PRAG1: variants seen among roughly 807,000 people sequenced by gnomAD.
The protein encoded by PRAG1 is inactive tyrosine-protein kinase PRAG1.
In PRAG1, 110 loss-of-function variants were observed where a neutral mutation model predicts 95.6. That is an observed-to-expected ratio of 1.15 (90% CI 0.99 to 1.35). The LOEUF (loss-of-function observed/expected upper bound fraction) is 1.35. Among genes scored for constraint, PRAG1 ranks in the 40% most tolerant of loss-of-function variants. The pLI is 0.00. For missense variants in PRAG1, 2,554 were observed against 1,864.7 expected (o/e 1.37, Z -6.81); for synonymous variants, 1,052 against 819.4 (o/e 1.28, Z -4.85).
Position 8,376,551 on chromosome 8 carries a change from C to T in PRAG1, c.1858G>A (p.Ala620Thr). 6.2e-7 allele frequency: 1 copy of T among 1,609,258 alleles called. No homozygotes were observed. The highest frequency in any genetic ancestry group is 1.1e-5 in the South Asian group (1 of 90,718). Residue 620 changes from alanine (A) to threonine (T), a missense_variant, in exon 3 of 6, where the codon GCC becomes ACC. Physicochemically the swap from Ala to Thr is moderately conservative, Grantham distance 58. Coordinates refer to ENST00000615670, the MANE Select transcript of PRAG1 (RefSeq NM_001080826.3). ...AACCTGGGCCGCCTCTGTTCCGAGG[C>T]TGACGAGGCGGCAGGCTGGGGACAC... ...SRCPQPAASS[A>T]SEQRRPRFQA...
chr8:8,352,531 C>T (rs1411037339), intron 3 of PRAG1, among the ~76,000 whole-genome samples: 1 of 152,208 alleles, frequency 6.6e-6, no homozygotes, highest in Non-Finnish European at 1.5e-5. Context: ...TCTTCTTAGT[C>T]ACCATACTCA....
chr8:8,321,641 G>A (rs564625311), intron 5 of PRAG1, among the ~76,000 whole-genome samples: 1 of 152,328 alleles, frequency 6.6e-6, no homozygotes, highest in East Asian at 1.9e-4. Flanking sequence ...CAAGGAGGAA[G>A]ATGCTATTAC....
At chr8:8,349,492 C>G (rs563915490) in intron 3 of PRAG1, among the ~76,000 whole-genome samples, 5 of 152,132 alleles carry the variant, frequency 3.3e-5, no homozygotes, top group South Asian at 4.1e-4. Context: ...CTGTGTTAGC[C>G]AGGATGGTCT....
chr8:8,376,925 G>A lies in PRAG1; in HGVS notation c.1484C>T (p.Ser495Phe). 6.2e-7 allele frequency: 1 copy of A among 1,613,420 alleles called. No individual in the cohort carries two copies. Among genetic ancestry groups the A allele is most frequent in the Non-Finnish European group, 8.5e-7 (1 of 1,180,028 alleles). Residue 495 changes from serine to phenylalanine, a missense_variant, in exon 3 of 6, where the codon TCT becomes TTT. Transcript: ENST00000615670. Reference protein sequence around the residue: ...HRTIYLSSPDSAVGVQWPRGP... With the variant: ...HRTIYLSSPDFAVGVQWPRGP... The stretch of plus-strand genomic sequence containing the variant: ...TCGTGGCCACTGCACCCCCACTGCA[G>A]AGTCAGGGCTGCTCAGGTAGATCGT...
intron 5 of PRAG1, among the ~76,000 whole-genome samples, chr8:8,320,701 C>G (rs1014406790): frequency 6.6e-6 from 1 of 152,224 alleles, no homozygotes; most frequent in African/African-American, 2.4e-5. Flanking sequence ...ATCCTGCAAA[C>G]ACTCCTAAAA....
intron 5 of PRAG1, among the ~76,000 whole-genome samples, chr8:8,321,700 A>G (rs1413338796): frequency 1.3e-5 from 2 of 152,228 alleles, no homozygotes; most frequent in Non-Finnish European, 2.9e-5. Context: ...GCTCAGGACT[A>G]TACAACCGAG....
Position 8,318,705 on chromosome 8 carries a change from G to A in PRAG1, c.3670C>T (p.Pro1224Ser). 1.9e-6 allele frequency: 3 copies of A among 1,610,136 alleles called. No individual in the cohort carries two copies. Among genetic ancestry groups the A allele is most frequent in the Non-Finnish European group, 1.7e-6 (2 of 1,179,182 alleles). Residue 1224 changes from proline to serine, a missense_variant, in exon 6 of 6, where the codon CCG becomes TCG. Transcript: ENST00000615670. This position sits in a 1 kb window ranked among gnomAD's most constrained non-coding sequence, Gnocchi z 4.2. Reference sequence around the variant, plus strand: ...TGCTGCAGGTTTGGGGTGCCGCCCGGCTTCTGCTTGGCCTTCAAAAAGTTG... The same window carrying A: ...TGCTGCAGGTTTGGGGTGCCGCCCGACTTCTGCTTGGCCTTCAAAAAGTTG... ...ISNFLKAKQKPGGTPNLQQKK... is the reference protein window; with the variant it reads ...ISNFLKAKQKSGGTPNLQQKK...
At chr8:8,320,122 G>A (rs982983272) in intron 5 of PRAG1, among the ~76,000 whole-genome samples, 1 of 152,198 alleles carries the variant, frequency 6.6e-6, no homozygotes, top group Non-Finnish European at 1.5e-5. Flanking sequence ...GGTATTGGTA[G>A]GAAGACATCC....
At chr8:8,342,400 G>A (rs981264538) in intron 3 of PRAG1, among the ~76,000 whole-genome samples, 55 of 152,004 alleles carry the variant, frequency 3.6e-4, no homozygotes, top group Admixed American at 1.0e-3. Flanking sequence ...GTTTCACCGT[G>A]TTAGCCAGGA....
chr8:8,377,602 G>A lies in PRAG1; in HGVS notation c.807C>T (p.Ala269=), dbSNP rs762635008. The change falls in exon 3 of 6, where the codon GCC becomes GCT. Residue 269 remains alanine (A), a synonymous_variant. Coordinates refer to ENST00000615670, the MANE Select transcript of PRAG1 (RefSeq NM_001080826.3). Reference sequence around the variant, plus strand: ...TGCCCCGGGAACCTGCAGTCTGGGAGGCAGCCTTGGCAACAGGGCTCCCAG... The same window carrying A: ...TGCCCCGGGAACCTGCAGTCTGGGAAGCAGCCTTGGCAACAGGGCTCCCAG... ...CCPGSPVAKA[A]SQTAGSRGRH... 2 of 1,612,942 alleles carry A rather than the reference G, an allele frequency of 1.2e-6. No individual in the cohort carries two copies. Among genetic ancestry groups the A allele is most frequent in the African/African-American group, 2.7e-5 (2 of 74,940 alleles).
At chr8:8,336,275 A>G (rs1463005650) in intron 4 of PRAG1, among the ~76,000 whole-genome samples, 1 of 152,226 alleles carries the variant, frequency 6.6e-6, no homozygotes, top group African/African-American at 2.4e-5. Context: ...TCAATGAGAC[A>G]TTAGGTTTGC....
At chr8:8,339,257 C>T (rs1251322526) in intron 4 of PRAG1, among the ~76,000 whole-genome samples, 1 of 152,196 alleles carries the variant, frequency 6.6e-6, no homozygotes, top group African/African-American at 2.4e-5. Context: ...GTTGCCACGT[C>T]CACACTCTTA....
chr8:8,336,421 A>G (rs1798985549), intron 4 of PRAG1, among the ~76,000 whole-genome samples: 1 of 152,218 alleles, frequency 6.6e-6, no homozygotes, highest in African/African-American at 2.4e-5. Context: ...GTCCTGACAC[A>G]TGCAGTCTGT....
At chr8:8,363,388 A>G (rs1333557596) in intron 3 of PRAG1, among the ~76,000 whole-genome samples, 1 of 152,210 alleles carries the variant, frequency 6.6e-6, no homozygotes, top group African/African-American at 2.4e-5. Flanking sequence ...CTCAACTTTT[A>G]AAAGGAAGGA....
intron 2 of PRAG1, among the ~76,000 whole-genome samples, chr8:8,378,691 C>T (rs1364455723): frequency 2.0e-5 from 3 of 151,856 alleles, no homozygotes; most frequent in Non-Finnish European, 2.9e-5. Context: ...CAAATCCCAT[C>T]TCTACAAAAA....
chr8:8,377,594 G>T lies in PRAG1; in HGVS notation c.815C>A (p.Thr272Asn), dbSNP rs769785925. Residue 272 changes from threonine (T) to asparagine (N), a missense_variant, in exon 3 of 6, where the codon ACT becomes AAT. Transcript: ENST00000615670. ...GSPVAKAASQ[T>N]AGSRGRHGGR... ...ACCATGCCTGCCCCGGGAACCTGCA[G>T]TCTGGGAGGCAGCCTTGGCAACAGG... 1 of 1,612,890 alleles carries T rather than the reference G, an allele frequency of 6.2e-7. No homozygotes were observed. Among genetic ancestry groups the T allele is most frequent in the South Asian group, 1.1e-5 (1 of 91,024 alleles).
chr8:8,337,334 A>T (rs1422024597), intron 4 of PRAG1, among the ~76,000 whole-genome samples: 1 of 152,232 alleles, frequency 6.6e-6, no homozygotes, highest in Non-Finnish European at 1.5e-5. Flanking sequence ...ATGGGACTGG[A>T]AGATAATTGT....
In PRAG1 at chr8:8,319,065, C is replaced by G. The variant is rs1356095800; in HGVS notation, c.3310G>C (p.Val1104Leu). 6.2e-7 allele frequency: 1 copy of G among 1,611,976 alleles called. No individual in the cohort carries two copies. Reference sequence around the variant, plus strand: ...TGGTGGCTGGCCGCCGAGTCCCGCACGAAGTCGGAGGCGGTCTGATGTGGC... The same window carrying G: ...TGGTGGCTGGCCGCCGAGTCCCGCAGGAAGTCGGAGGCGGTCTGATGTGGC... ...EVPHQTASDF[V>L]RDSAASHQAE... The change falls in exon 6 of 6, where the codon GTG (valine) becomes CTG (leucine). Residue 1104 changes from valine to leucine, a missense_variant. Transcript: ENST00000615670.
intron 3 of PRAG1, among the ~76,000 whole-genome samples, chr8:8,367,286 C>A (rs1800039370): frequency 6.6e-6 from 1 of 151,302 alleles, no homozygotes; most frequent in Admixed American, 6.6e-5. Context: ...TGGTGAACCC[C>A]ATCTCTACTA....
Sources: allele counts gnomAD v4.1 joint callset (sites outside exome capture counted in the v4.1 genomes callset), GRCh38; gene constraint gnomAD v4.1.1; non-coding constraint Gnocchi (gnomAD v3.1); transcripts MANE v1.5; gene names NCBI Gene and HGNC (gene_info 2026-07-23, HGNC 2026-07-21).